The following RUNX2 variants were observed in gnomAD, a reference collection of about 807,000 sequenced individuals.
The protein encoded by RUNX2 is RUNX family transcription factor 2.
A neutral mutation model predicts 51.7 loss-of-function variants in RUNX2; 10 were observed. That is an observed-to-expected ratio of 0.19 (90% CI 0.12 to 0.33). RUNX2 has a LOEUF of 0.33. Among genes scored for constraint, RUNX2 ranks in the 10% least tolerant of loss-of-function variants. The probability of loss-of-function intolerance (pLI) is 1.00; values close to 1 mark genes in which losing one functional copy is unlikely to be tolerated. For missense variants in RUNX2, 562 were observed against 691.3 expected (o/e 0.81, Z 2.10); for synonymous variants, 276 against 273.6 (o/e 1.01, Z -0.09).
At chr6:45,448,609 A>T (rs1334785795) in intron 5 of RUNX2, among the ~76,000 whole-genome samples, 1 of 152,142 alleles carries the variant, frequency 6.6e-6, no homozygotes, top group African/African-American at 2.4e-5. Context: ...TGGGGAAGAC[A>T]TCAGATGACA....
chr6:45,499,014 G>A (rs570244791), intron 6 of RUNX2, among the ~76,000 whole-genome samples: 2 of 152,296 alleles, frequency 1.3e-5, no homozygotes, highest in East Asian at 3.9e-4. Flanking sequence ...GATACTGTTG[G>A]TGAGCAGGAA....
At chr6:45,408,397 G>C (rs909007306) in intron 2 of RUNX2, among the ~76,000 whole-genome samples, 6 of 151,962 alleles carry the variant, frequency 3.9e-5, no homozygotes, top group African/African-American at 1.4e-4. Flanking sequence ...TTGAGGATTT[G>C]GGAATTGATT....
intron 2 of RUNX2, chr6:45,422,060 G>A (rs1582093062): frequency 6.8e-6 from 1 of 147,904 alleles, no homozygotes; most frequent in East Asian, 2.0e-4. Context: ...GCGGGAGGGC[G>A]GAGGCGCGGC....
intron 1 of RUNX2, 91 bp from the exon 2 acceptor site, chr6:45,328,570 T>G: frequency 6.3e-7 from 1 of 1,580,340 alleles, no homozygotes; most frequent in Non-Finnish European, 8.6e-7. Flanking sequence ...AGCTACATAA[T>G]TTCTTGACAG....
At chr6:45,368,040 G>A (rs1795445158) in intron 2 of RUNX2, among the ~76,000 whole-genome samples, 1 of 151,976 alleles carries the variant, frequency 6.6e-6, no homozygotes, top group Non-Finnish European at 1.5e-5. Context: ...CATTAAAAAA[G>A]AAAAGTCTGT....
At chr6:45,491,840 C>T (rs1040803550) in intron 5 of RUNX2, 101 bp from the exon 6 acceptor site, 3 of 1,171,232 alleles carry the variant, frequency 2.6e-6, no homozygotes, top group Admixed American at 1.7e-5. Context: ...ATTGATAATT[C>T]CTTGGCTTAA....
At chr6:45,531,106 TAGAG>T (rs1478706415) in intron 7 of RUNX2, among the ~76,000 whole-genome samples, 20 of 152,178 alleles carry the variant, frequency 1.3e-4, no homozygotes, top group Admixed American at 1.3e-3. Flanking sequence ...GTGAAAGGGA[TAGAG>T]AGTGAAAACT....
At chr6:45,419,776 G>A (rs531774107) in intron 2 of RUNX2, among the ~76,000 whole-genome samples, 1 of 152,310 alleles carries the variant, frequency 6.6e-6, no homozygotes, top group South Asian at 2.1e-4. Context: ...GGCTAAATGG[G>A]TTCTCGCACC....
At chr6:45,388,119 C>T (rs752929117) in intron 2 of RUNX2, among the ~76,000 whole-genome samples, 7 of 151,982 alleles carry the variant, frequency 4.6e-5, no homozygotes, top group African/African-American at 7.3e-5. Context: ...AGGCTAATGA[C>T]GAAATCACTG....
At chr6:45,490,676 C>A (rs1360303590) in intron 5 of RUNX2, among the ~76,000 whole-genome samples, 4 of 152,058 alleles carry the variant, frequency 2.6e-5, no homozygotes, top group African/African-American at 4.8e-5. Flanking sequence ...TGAAAAACTC[C>A]CAGGCTTGAA....
chr6:45,359,144 A>G (rs969720975), intron 2 of RUNX2, among the ~76,000 whole-genome samples: 1 of 152,210 alleles, frequency 6.6e-6, no homozygotes, highest in African/African-American at 2.4e-5. Flanking sequence ...GAGAGAATTG[A>G]TAGTAATATT....
At chr6:45,510,803 T>C (rs556452276) in intron 6 of RUNX2, among the ~76,000 whole-genome samples, 2 of 152,050 alleles carry the variant, frequency 1.3e-5, no homozygotes, top group African/African-American at 4.8e-5. Flanking sequence ...TTGTGCTAGT[T>C]TTCTCTTAAT....
intron 2 of RUNX2, among the ~76,000 whole-genome samples, chr6:45,375,234 G>A (rs1662934066): frequency 6.6e-6 from 1 of 152,138 alleles, no homozygotes; most frequent in African/African-American, 2.4e-5. Flanking sequence ...TTCTGATATT[G>A]CAATGTGGTT....
intron 2 of RUNX2, among the ~76,000 whole-genome samples, chr6:45,342,923 C>A (rs1002141758): frequency 1.3e-5 from 2 of 152,064 alleles, no homozygotes; most frequent in African/African-American, 4.8e-5. Context: ...ACAAGGACAG[C>A]AGGGGTTTTG....
intron 5 of RUNX2, among the ~76,000 whole-genome samples, chr6:45,474,165 T>C (rs1021520898): frequency 3.3e-5 from 5 of 152,078 alleles, no homozygotes; most frequent in African/African-American, 1.2e-4. Context: ...TTTCTTTTTT[T>C]TTTTTTCCCT....
intron 5 of RUNX2, among the ~76,000 whole-genome samples, chr6:45,469,136 T>C (rs1038095284): frequency 3.9e-5 from 6 of 152,374 alleles, no homozygotes; most frequent in Non-Finnish European, 8.8e-5. Flanking sequence ...TAAAACATAC[T>C]GCTTCATGTT....
chr6:45,386,812 T>C (rs1797357721), intron 2 of RUNX2, among the ~76,000 whole-genome samples: 1 of 152,154 alleles, frequency 6.6e-6, no homozygotes, highest in Non-Finnish European at 1.5e-5. Flanking sequence ...TCATAGGGTA[T>C]GAGAAAGAAA....
intron 6 of RUNX2, among the ~76,000 whole-genome samples, chr6:45,511,498 T>G (rs1801145437): frequency 6.6e-6 from 1 of 152,206 alleles, no homozygotes; most frequent in Non-Finnish European, 1.5e-5. Context: ...TGATGAAACT[T>G]TTCAGTTCTT....
At chr6:45,528,554 G>A (rs940200140) in intron 7 of RUNX2, among the ~76,000 whole-genome samples, 1 of 152,154 alleles carries the variant, frequency 6.6e-6, no homozygotes, top group Admixed American at 6.5e-5. Flanking sequence ...CCAGGAGGCA[G>A]AGGTTGCAGT....
Sources: allele counts gnomAD v4.1 joint callset (sites outside exome capture counted in the v4.1 genomes callset), GRCh38; gene constraint gnomAD v4.1.1; transcripts MANE v1.5; gene names NCBI Gene and HGNC (gene_info 2026-07-23, HGNC 2026-07-21).